CNTN5: variants seen among roughly 807,000 people sequenced by gnomAD.
CNTN5 encodes the protein contactin 5, also known as contactin-5.
In CNTN5, 77 loss-of-function variants were observed where a neutral mutation model predicts 129.1. The observed-to-expected ratio is 0.60, with a 90% CI of 0.50 to 0.72. The LOEUF is 0.72. Among genes scored for constraint, CNTN5 ranks in the 30% least tolerant of loss-of-function variants. The pLI is 0.00. For missense variants in CNTN5, 1,478 were observed against 1,328.8 expected, an observed-to-expected ratio of 1.11 and a Z score of -1.75; for synonymous variants, 509 against 465.6, an observed-to-expected ratio of 1.09 and a Z score of -1.20.
At chr11:99,992,321 C>T (rs1306095574) in intron 8 of CNTN5, among the ~76,000 whole-genome samples, 1 of 152,196 alleles carries the variant, frequency 6.6e-6, no homozygotes, top group Non-Finnish European at 1.5e-5. Context: ...GAAAAACACT[C>T]AGCTCTGCTG....
chr11:99,516,604 G>T (rs1274790570), intron 2 of CNTN5, among the ~76,000 whole-genome samples: 1 of 151,960 alleles, frequency 6.6e-6, no homozygotes, highest in Non-Finnish European at 1.5e-5. Context: ...GTCACCAATG[G>T]GGCAGTGACT....
chr11:100,263,250 A>C (rs1250599462), intron 17 of CNTN5, among the ~76,000 whole-genome samples: 2 of 152,168 alleles, frequency 1.3e-5, no homozygotes, highest in African/African-American at 4.8e-5. Context: ...TTTAAACTCT[A>C]ATGACCTCTA....
intron 4 of CNTN5, among the ~76,000 whole-genome samples, chr11:99,834,896 G>A (rs1353829519): frequency 6.6e-6 from 1 of 152,148 alleles, no homozygotes; most frequent in African/African-American, 2.4e-5. Context: ...CCACAGTCAA[G>A]ACCATCTTGC....
chr11:99,407,323 G>A (rs1235418889), intron 2 of CNTN5, among the ~76,000 whole-genome samples: 1 of 152,058 alleles, frequency 6.6e-6, no homozygotes, highest in Non-Finnish European at 1.5e-5. Context: ...TTCCCTTCTG[G>A]CTCAGGGTGT....
chr11:99,194,665 G>A (rs1359682542), intron 1 of CNTN5, among the ~76,000 whole-genome samples: 1 of 152,040 alleles, frequency 6.6e-6, no homozygotes, highest in African/African-American at 2.4e-5. Flanking sequence ...GAGTGCAGTG[G>A]CCCGATCTCG....
chr11:99,898,698 A>T (rs981858388), intron 6 of CNTN5, among the ~76,000 whole-genome samples: 2 of 151,948 alleles, frequency 1.3e-5, no homozygotes, highest in Admixed American at 1.3e-4. Flanking sequence ...TGTGGTGACT[A>T]CCGTGATTTT....
chr11:100,001,926 A>C, intron 8 of CNTN5, 108 bp from the exon 9 acceptor site: 1 of 757,060 alleles, frequency 1.3e-6, no homozygotes, highest in Non-Finnish European at 2.1e-6. Context: ...CAGTCATCAA[A>C]CAGACATTAA....
At chr11:99,592,940 C>T (rs1287048879) in intron 3 of CNTN5, among the ~76,000 whole-genome samples, 2 of 152,054 alleles carry the variant, frequency 1.3e-5, no homozygotes, top group East Asian at 3.9e-4. Context: ...GAAGCAAAAA[C>T]ATTTTTTAAT....
chr11:99,355,056 G>T (rs573554684), intron 2 of CNTN5, among the ~76,000 whole-genome samples: 3 of 152,110 alleles, frequency 2.0e-5, no homozygotes, highest in Admixed American at 1.3e-4. Context: ...TAATTTTGTG[G>T]CTTGCTCCCT....
rs865854145 is a variant in CNTN5 at position 99,141,616 on chromosome 11, A to G, written c.-210+120346A>G. ...TAGGGTGTTAATTTGAGATCTTTAT[A>G]AATTTTTAATGTGGGTATTTAGCAC... On this transcript the variant is annotated intron_variant, in intron 1 of 24. Coordinates refer to ENST00000524871, the MANE Select transcript of CNTN5 (RefSeq NM_014361.4). 4.1e-4 allele frequency among the ~76,000 whole-genome samples: 63 copies of G among 152,216 alleles called. No individual in the cohort carries two copies. The Middle Eastern group carries it at 0.017, about 41-fold the overall frequency.
intron 9 of CNTN5, among the ~76,000 whole-genome samples, chr11:100,044,625 T>C (rs900267903): frequency 1.3e-4 from 20 of 152,100 alleles, no homozygotes; most frequent in Non-Finnish European, 1.5e-4. Flanking sequence ...TTTGTGTCTT[T>C]TTTTTTGAAA....
chr11:100,205,200 T>G (rs1332255609), intron 15 of CNTN5, among the ~76,000 whole-genome samples: 1 of 152,046 alleles, frequency 6.6e-6, no homozygotes, highest in Non-Finnish European at 1.5e-5. Flanking sequence ...CTAAGACATC[T>G]TTAAAATTCT....
In CNTN5 at chr11:100,074,186, T is replaced by A. The variant is rs768094136; in HGVS notation, c.1472T>A (p.Ile491Lys). Reference protein sequence around the residue: ...TFALNQLKKTIIVTKDQEVVI... With the variant: ...TFALNQLKKTKIVTKDQEVVI... Reference sequence around the variant, plus strand: ...GCACTGAATCAACTGAAGAAAACAATAATTGTTACCAAAGACCAAGAAGTT... The same window carrying A: ...GCACTGAATCAACTGAAGAAAACAAAAATTGTTACCAAAGACCAAGAAGTT... Residue 491 changes from isoleucine to lysine, a missense_variant, in exon 13 of 25, where the codon ATA (isoleucine) becomes AAA (lysine). Physicochemically the swap from Ile to Lys is moderately radical, Grantham distance 102 (BLOSUM62 -3). Coordinates refer to ENST00000524871, the MANE Select transcript of CNTN5 (RefSeq NM_014361.4). 6.2e-7 allele frequency: 1 copy of A among 1,612,748 alleles called. No homozygotes were observed. Among genetic ancestry groups the A allele is most frequent in the South Asian group, 1.1e-5 (1 of 90,966 alleles).
intron 1 of CNTN5, among the ~76,000 whole-genome samples, chr11:99,154,877 C>T (rs1430243211): frequency 6.6e-6 from 1 of 152,088 alleles, no homozygotes. Context: ...CACCCTCAGG[C>T]TAAAGTCTCC....
At chr11:99,760,785 T>C (rs1376951736) in intron 3 of CNTN5, among the ~76,000 whole-genome samples, 1 of 151,960 alleles carries the variant, frequency 6.6e-6, no homozygotes, top group Non-Finnish European at 1.5e-5. Flanking sequence ...CATATAAAAA[T>C]CCAAATTATA....
intron 7 of CNTN5, among the ~76,000 whole-genome samples, chr11:99,928,638 T>C (rs2136065405): frequency 6.6e-6 from 1 of 152,200 alleles, no homozygotes; most frequent in African/African-American, 2.4e-5. Flanking sequence ...AAGTCTTGAG[T>C]CTGCACAAAG....
intron 1 of CNTN5, among the ~76,000 whole-genome samples, chr11:99,201,259 C>T (rs1591350997): frequency 1.3e-5 from 2 of 151,500 alleles, no homozygotes; most frequent in Non-Finnish European, 1.5e-5. Context: ...CTCCTGACCC[C>T]GTGATCCACC....
chr11:99,459,321 T>G (rs968536372), intron 2 of CNTN5, among the ~76,000 whole-genome samples: 1 of 151,996 alleles, frequency 6.6e-6, no homozygotes, highest in African/African-American at 2.4e-5. Context: ...TAGGTATTAT[T>G]GAGAAGTCAA....
At chr11:99,329,163 C>T (rs1255624356) in intron 2 of CNTN5, among the ~76,000 whole-genome samples, 1 of 152,052 alleles carries the variant, frequency 6.6e-6, no homozygotes, top group Non-Finnish European at 1.5e-5. Flanking sequence ...TGTAAGAAAA[C>T]TGAATTTGCC....
Sources: gnomAD v4.1 joint callset for allele counts (sites outside exome capture counted in the v4.1 genomes callset) on GRCh38, gnomAD v4.1.1 for gene constraint, MANE v1.5 for transcripts, NCBI Gene and HGNC (gene_info 2026-07-23, HGNC 2026-07-21) for gene names.